The following SHBG variants were observed in gnomAD, a reference collection of about 807,000 sequenced individuals.
SHBG encodes sex hormone-binding globulin.
Under a neutral mutation model 41.9 loss-of-function variants are expected in SHBG, and 37 were observed. That is an observed-to-expected ratio of 0.88 (90% CI 0.68 to 1.16). SHBG has a LOEUF of 1.16. Among genes scored for constraint, SHBG ranks in the 50% most tolerant of loss-of-function variants. The probability of loss-of-function intolerance (pLI) is 0.00; values close to 1 mark genes in which losing one functional copy is unlikely to be tolerated. For synonymous variants in SHBG, 217 were observed against 205.8 expected (o/e 1.05, Z -0.47); for missense variants, 466 against 499.9 (o/e 0.93, Z 0.65).
chr17:7,626,740 C>T (rs1403067183), upstream of SHBG: 4 of 1,614,032 alleles, frequency 2.5e-6, no homozygotes, highest in Non-Finnish European at 3.4e-6. Flanking sequence ...TGTCGCCCCA[C>T]CCATCTCCTC....
Position 7,633,290 on chromosome 17 carries a change from C to T in SHBG, c.1147C>T (p.His383Tyr), listed in dbSNP as rs1314862645. Reference protein sequence around the residue: ...LDVDQALNRSHEIWTHSCPQS... With the variant: ...LDVDQALNRSYEIWTHSCPQS... Reference sequence around the variant, plus strand: ...TGTGGACCAGGCCCTGAACAGAAGCCATGAGATCTGGACTCACAGCTGCCC... The same window carrying T: ...TGTGGACCAGGCCCTGAACAGAAGCTATGAGATCTGGACTCACAGCTGCCC... Residue 383 changes from histidine to tyrosine, a missense_variant, in exon 8 of 8, where the codon CAT (histidine) becomes TAT (tyrosine). Transcript: ENST00000380450. 7 of 1,614,154 alleles carry T rather than the reference C, an allele frequency of 4.3e-6. No individual in the cohort carries two copies. The highest frequency in any genetic ancestry group is 5.9e-6 in the Non-Finnish European group (7 of 1,180,006).
In SHBG at chr17:7,631,340, C is replaced by T. The variant is rs567677603; in HGVS notation, c.534C>T (p.Pro178=). The T allele has an allele frequency of 7.4e-5, 120 of 1,613,396 alleles. No individual in the cohort carries two copies. The highest frequency in any genetic ancestry group is 2.7e-4 in the South Asian group (25 of 91,038). ...MRIALGGLLF[P]ASNLRLPLVP... ...TTGCGCTTGGGGGGCTGCTCTTCCC[C>T]GCTTCCAACCTTCGGTTGCCGGTAA... The change falls in exon 4 of 8, where the codon CCC becomes CCT. Residue 178 remains proline, a synonymous_variant. Transcript: ENST00000380450.
At chr17:7,626,400 T>C, upstream of SHBG, 10 of 1,604,540 alleles carry the variant, frequency 6.2e-6, no homozygotes, top group Non-Finnish European at 8.5e-6. Context: ...GTGCTTCAGC[T>C]GATGGGGAAG....
chr17:7,627,096 C>T, upstream of SHBG: 1 of 1,613,566 alleles, frequency 6.2e-7, no homozygotes, highest in Non-Finnish European at 8.5e-7. The surrounding 1 kb of genome is among the most constrained non-coding windows in gnomAD (Gnocchi z 4.8). Flanking sequence ...GGGGAGACCT[C>T]TGAGGCCGGC....
chr17:7,619,433 T>A (rs1597895483), intron 1 of SHBG, among the ~76,000 whole-genome samples: 1 of 147,014 alleles, frequency 6.8e-6, no homozygotes, highest in Non-Finnish European at 1.5e-5. Flanking sequence ...CTAAGGCTGG[T>A]GCGGTGGCTC....
upstream of SHBG, among the ~76,000 whole-genome samples, chr17:7,624,346 C>T (rs2072153333): frequency 6.6e-6 from 1 of 152,054 alleles, no homozygotes; most frequent in Non-Finnish European, 1.5e-5. Context: ...CACCTGGGTT[C>T]AAGCGATTCT....
At chr17:7,624,944 T>C (rs928787654), upstream of SHBG, among the ~76,000 whole-genome samples, 6 of 108,190 alleles carry the variant, frequency 5.5e-5, no homozygotes, top group Admixed American at 6.1e-4. Context: ...AGGCGTGAGC[T>C]TTTTTTTTTT....
upstream of SHBG, chr17:7,627,452 G>T: frequency 6.2e-7 from 1 of 1,612,758 alleles, no homozygotes; most frequent in Non-Finnish European, 8.5e-7. The surrounding 1 kb of genome is among the most constrained non-coding windows in gnomAD (Gnocchi z 4.8). Flanking sequence ...AGAGCAGAAG[G>T]GCCCCGCTGC....
At chr17:7,614,379 C>T (rs930443157) in intron 1 of SHBG, 26 of 1,119,062 alleles carry the variant, frequency 2.3e-5, no homozygotes, top group African/African-American at 3.1e-5. Flanking sequence ...AGCTCGATCC[C>T]GCCCCACGCG....
At chr17:7,623,217 C>A (rs1046177725), upstream of SHBG, among the ~76,000 whole-genome samples, 22 of 152,014 alleles carry the variant, frequency 1.4e-4, no homozygotes, top group Admixed American at 1.4e-3. Flanking sequence ...CATGGAGAAA[C>A]CTCATCTCTA....
rs1311648288 is a variant in SHBG at position 7,633,368 on chromosome 17, C to A, written c.*16C>A. 1 of 1,611,926 alleles carries A rather than the reference C, an allele frequency of 6.2e-7. No homozygotes were observed. The highest frequency in any genetic ancestry group is 8.5e-7 in the Non-Finnish European group (1 of 1,179,122). On this transcript the variant is annotated 3_prime_UTR_variant, in exon 8 of 8. Transcript: ENST00000380450. ...TTCCCATTAAAGCTCCACCTAAGAACCCCCTTTGAAAGTTACTGATTATTC... is the reference window on the plus strand; with the variant it reads ...TTCCCATTAAAGCTCCACCTAAGAAACCCCTTTGAAAGTTACTGATTATTC...
chr17:7,628,123 T>C (rs777620156), upstream of SHBG: 12 of 460,824 alleles, frequency 2.6e-5, no homozygotes, highest in Admixed American at 2.8e-4. Context: ...TGCTTTAGCC[T>C]CAGGCTCACT....
intron 1 of SHBG, among the ~76,000 whole-genome samples, chr17:7,619,751 T>G (rs1364581723): frequency 6.7e-6 from 1 of 149,760 alleles, no homozygotes; most frequent in African/African-American, 2.5e-5. Flanking sequence ...CACAGGAGGA[T>G]GGGAAGTGGA....
chr17:7,626,706 C>T (rs780112120), upstream of SHBG: 8 of 1,613,624 alleles, frequency 5.0e-6, no homozygotes, highest in African/African-American at 4.0e-5. Context: ...CCTCCATATA[C>T]CCTTGCTTCT....
chr17:7,626,232 C>T, upstream of SHBG: 1 of 530,414 alleles, frequency 1.9e-6, no homozygotes, highest in South Asian at 2.6e-5. Flanking sequence ...CCCAACACCA[C>T]ATCAGGACAT....
intron 1 of SHBG, among the ~76,000 whole-genome samples, chr17:7,615,275 C>T (rs1263308176): frequency 3.3e-5 from 5 of 152,134 alleles, no homozygotes; most frequent in Non-Finnish European, 5.9e-5. Flanking sequence ...TAGGGATGGG[C>T]ATGCGCCTGA....
At chr17:7,614,532 T>A (rs2071923461) in intron 1 of SHBG, 1 of 1,480,448 alleles carries the variant, frequency 6.8e-7, no homozygotes, top group Non-Finnish European at 8.9e-7. Context: ...AGGCCGCCCA[T>A]GGCGCCGCCA....
intron 1 of SHBG, among the ~76,000 whole-genome samples, chr17:7,622,883 A>AG (rs1217880211): frequency 6.6e-6 from 1 of 151,362 alleles, no homozygotes. Context: ...CAAAAAAAAA[A>AG]AAAATTAGCT....
chr17:7,630,689 C>A lies in SHBG; in HGVS notation c.213C>A (p.Ser71=). ...TTCTGTGTCCTTCCAGAACCTCCTC[C>A]TCCTTTGAGGTTCGAACCTGGGACC... ...FDLTKITKTS[S]SFEVRTWDPE... is the part of the protein sequence containing the mutation. Residue 71 remains serine, a synonymous_variant, in exon 3 of 8, where the codon TCC becomes TCA. Coordinates refer to ENST00000380450, the MANE Select transcript of SHBG (RefSeq NM_001040.5). The surrounding 1 kb of genome is among the most constrained non-coding windows in gnomAD (Gnocchi z 4.6). The A allele has an allele frequency of 6.2e-7, 1 of 1,613,812 alleles. No individual in the cohort carries two copies. Among genetic ancestry groups the A allele is most frequent in the South Asian group, 1.1e-5 (1 of 91,066 alleles).
Sources: gnomAD v4.1 joint callset for allele counts (sites outside exome capture counted in the v4.1 genomes callset) on GRCh38, gnomAD v4.1.1 for gene constraint, Gnocchi (gnomAD v3.1) non-coding constraint, MANE v1.5 for transcripts, NCBI Gene and HGNC (gene_info 2026-07-23, HGNC 2026-07-21) for gene names.